The following FBLN2 variants were observed in gnomAD, a reference collection of about 807,000 sequenced individuals.
The protein encoded by FBLN2 is fibulin-2.
A neutral mutation model predicts 123.7 loss-of-function variants in FBLN2; 81 were observed. The observed-to-expected ratio is 0.65, with a 90% CI of 0.55 to 0.79. FBLN2 has a LOEUF of 0.79. Among genes scored for constraint, FBLN2 ranks in the 30% least tolerant of loss-of-function variants. The pLI is 0.00. For missense variants in FBLN2, 1,603 were observed against 1,681.3 expected, an observed-to-expected ratio of 0.95 and a Z score of 0.81; for synonymous variants, 699 against 701.4, an observed-to-expected ratio of 1.00 and a Z score of 0.05.
At chr3:13,564,239 C>T (rs763777573) in intron 1 of FBLN2, among the ~76,000 whole-genome samples, 4 of 152,030 alleles carry the variant, frequency 2.6e-5, no homozygotes, top group East Asian at 1.9e-4. Flanking sequence ...GCACAGCCAG[C>T]GGGCCAGGTG....
chr3:13,630,272 C>G (rs143085218), intron 14 of FBLN2, among the ~76,000 whole-genome samples: 1 of 152,202 alleles, frequency 6.6e-6, no homozygotes, highest in Non-Finnish European at 1.5e-5. Context: ...CCTACCTGTG[C>G]GGGACGCGCC....
At chr3:13,601,743 G>T (rs374859990) in intron 2 of FBLN2, among the ~76,000 whole-genome samples, 71 of 152,218 alleles carry the variant, frequency 4.7e-4, no homozygotes, top group African/African-American at 1.7e-3. Context: ...GGAAACAGAG[G>T]ACTGAGAAAG....
In FBLN2 at chr3:13,631,563, C is replaced by A. The variant is rs1706260137; in HGVS notation, c.3214+106C>A. 3 of 1,340,614 alleles carry A rather than the reference C, an allele frequency of 2.2e-6. No homozygotes were observed. In the South Asian group the frequency reaches 4.5e-5, roughly 20 times the overall value. The allele number at this position is 1,340,614 out of a possible 1,614,324, so 83.0% of individuals were successfully genotyped here. A position where few individuals can be genotyped will look rare whatever the true frequency, so the allele number is the denominator to read the frequency against. On this transcript the variant is annotated intron_variant, in intron 16 of 17. Coordinates refer to ENST00000404922, the MANE Select transcript of FBLN2 (RefSeq NM_001004019.2). ...CTTGCGTGCACTTGGAGCCCCCACA[C>A]CCAGTGAATAAATGCAGGATGGCCA...
intron 2 of FBLN2, among the ~76,000 whole-genome samples, chr3:13,590,746 A>G (rs1487042558): frequency 6.6e-6 from 1 of 152,252 alleles, no homozygotes; most frequent in African/African-American, 2.4e-5. Flanking sequence ...ATTGGTGCAT[A>G]TAGCAGTAGT....
intron 16 of FBLN2, among the ~76,000 whole-genome samples, chr3:13,634,202 TG>T (rs1458601376): frequency 4.6e-5 from 7 of 152,220 alleles, no homozygotes; most frequent in African/African-American, 1.7e-4. Context: ...TCGTCCTTTT[TG>T]CTCTGTCACC....
intron 5 of FBLN2, among the ~76,000 whole-genome samples, chr3:13,615,928 G>A (rs145844192): frequency 2.6e-5 from 4 of 152,358 alleles, no homozygotes; most frequent in Non-Finnish European, 5.9e-5. Flanking sequence ...GCAGAAGTCT[G>A]TGCATAGGGG....
At chr3:13,597,051 C>T (rs1174239310) in intron 2 of FBLN2, among the ~76,000 whole-genome samples, 2 of 152,092 alleles carry the variant, frequency 1.3e-5, no homozygotes, top group Non-Finnish European at 2.9e-5. Flanking sequence ...CCTCCCTTAG[C>T]CTCCCAAGTA....
chr3:13,584,383 C>G (rs889867737), intron 2 of FBLN2, among the ~76,000 whole-genome samples: 4 of 152,132 alleles, frequency 2.6e-5, no homozygotes, highest in Admixed American at 6.5e-5. Flanking sequence ...GCCCAGGAGC[C>G]CTGACTCCAA....
At chr3:13,586,825 A>G (rs1186524574) in intron 2 of FBLN2, among the ~76,000 whole-genome samples, 1 of 148,318 alleles carries the variant, frequency 6.7e-6, no homozygotes, top group South Asian at 2.1e-4. Flanking sequence ...TTAGTTTTTA[A>G]GAAAAAAGAT....
At chr3:13,615,965 C>T (rs1425511055) in intron 5 of FBLN2, among the ~76,000 whole-genome samples, 1 of 152,162 alleles carries the variant, frequency 6.6e-6, no homozygotes, top group Admixed American at 6.5e-5. Flanking sequence ...CCACAGGTGC[C>T]AGGGCTCAGG....
At chr3:13,612,375 T>C (rs1046353015) in intron 4 of FBLN2, among the ~76,000 whole-genome samples, 1 of 134,792 alleles carries the variant, frequency 7.4e-6, no homozygotes, top group Non-Finnish European at 1.5e-5. Context: ...TCTGTCTCTC[T>C]GTCTGTCTGT....
At position 13,617,445 on chromosome 3, in the gene FBLN2, T is replaced by TCCAC. The variant is rs576932085; in HGVS notation, c.1730-623_1730-620dup. 1.9e-4 allele frequency among the ~76,000 whole-genome samples: 29 copies of TCCAC among 150,780 alleles called. 1 individual carries two copies. The East Asian group carries it at 2.4e-3, about 12-fold the overall frequency. ...ATTCATCTACCCATCCATCTATCCA[T>TCCAC]CCACCCACCCATCCATCCATTCAGC... On this transcript the variant is annotated intron_variant, in intron 5 of 17. Coordinates refer to ENST00000404922, the MANE Select transcript of FBLN2 (RefSeq NM_001004019.2).
intron 2 of FBLN2, among the ~76,000 whole-genome samples, chr3:13,594,161 C>T (rs774856933): frequency 2.0e-5 from 3 of 152,148 alleles, no homozygotes; most frequent in Non-Finnish European, 4.4e-5. Context: ...TTGGAAAGCT[C>T]GTAGACCCCA....
In FBLN2 at chr3:13,626,475, C is replaced by G. The variant is rs368591685; in HGVS notation, c.2327C>G (p.Thr776Arg). Residue 776 changes from threonine to arginine, a missense_variant, in exon 10 of 18, where the codon ACG (threonine) becomes AGG (arginine). Coordinates refer to ENST00000404922, the MANE Select transcript of FBLN2 (RefSeq NM_001004019.2). Reference protein sequence around the residue: ...DINECVTDLHTCSRGEHCVNT... With the variant: ...DINECVTDLHRCSRGEHCVNT... The stretch of plus-strand genomic sequence containing the variant: ...AACGAGTGTGTGACGGACCTGCACA[C>G]GTGCAGCCGGGGCGAGCACTGTGTG... 2.5e-6 allele frequency: 4 copies of G among 1,582,218 alleles called. No homozygotes were observed. The highest frequency in any genetic ancestry group is 3.4e-6 in the Non-Finnish European group (4 of 1,163,966).
intron 11 of FBLN2, among the ~76,000 whole-genome samples, chr3:13,628,361 C>T (rs1306897422): frequency 6.6e-6 from 1 of 152,172 alleles, no homozygotes; most frequent in Non-Finnish European, 1.5e-5. Flanking sequence ...TGTCCCCACA[C>T]AGTACTGCAT....
intron 2 of FBLN2, among the ~76,000 whole-genome samples, chr3:13,594,785 C>T (rs115771753): frequency 3.3e-5 from 5 of 152,296 alleles, no homozygotes; most frequent in African/African-American, 1.2e-4. Flanking sequence ...AGCCCGGGCT[C>T]CCAGGTCCAG....
At chr3:13,568,226 G>A (rs769039878) in intron 1 of FBLN2, among the ~76,000 whole-genome samples, 3 of 152,156 alleles carry the variant, frequency 2.0e-5, no homozygotes, top group Non-Finnish European at 4.4e-5. Flanking sequence ...CTCCCTGCCC[G>A]TCCATGGCCC....
chr3:13,599,002 G>T (rs1244872829), intron 2 of FBLN2, among the ~76,000 whole-genome samples: 2 of 152,230 alleles, frequency 1.3e-5, no homozygotes, highest in Non-Finnish European at 2.9e-5. Flanking sequence ...GTGTGCAAAG[G>T]CGTAGAACAA....
intron 16 of FBLN2, among the ~76,000 whole-genome samples, chr3:13,636,148 G>C (rs567205151): frequency 1.3e-5 from 2 of 152,184 alleles, no homozygotes; most frequent in Non-Finnish European, 2.9e-5. Context: ...AAGGAGCTTA[G>C]AGAGGCCAGA....
Sources: gnomAD v4.1 joint callset for allele counts (sites outside exome capture counted in the v4.1 genomes callset) on GRCh38, gnomAD v4.1.1 for gene constraint, MANE v1.5 for transcripts, NCBI Gene and HGNC (gene_info 2026-07-23, HGNC 2026-07-21) for gene names.